MCPH1: variants seen among roughly 807,000 people sequenced by gnomAD.
MCPH1 encodes the protein microcephalin.
MCPH1 carries 104 observed loss-of-function variants against 84.5 expected under a neutral mutation model. That is an observed-to-expected ratio of 1.23 (90% CI 1.05 to 1.45). The LOEUF (loss-of-function observed/expected upper bound fraction) is 1.45. Ranked by LOEUF, MCPH1 falls within the 40% of genes most tolerant of loss-of-function variation. The probability of loss-of-function intolerance (pLI) is 0.00; values close to 1 mark genes in which losing one functional copy is unlikely to be tolerated. For synonymous variants in MCPH1, 514 were observed against 366.8 expected (o/e 1.40, Z -4.58); for missense variants, 1,498 against 1,005.7 (o/e 1.49, Z -6.62).
chr8:6,514,343 C>A lies in MCPH1; in HGVS notation c.2214+14414C>A, dbSNP rs537729661. Reference sequence around the variant, plus strand: ...TAGCTGGGATTACAGGTGTGCACCACCACACCTGGCTAATATTTGTATTTT... The same window carrying A: ...TAGCTGGGATTACAGGTGTGCACCAACACACCTGGCTAATATTTGTATTTT... On this transcript the variant is annotated intron_variant, in intron 12 of 13. Transcript: ENST00000344683. Among the ~76,000 whole-genome samples, 3 of 152,234 alleles carry A rather than the reference C, an allele frequency of 2.0e-5. No homozygotes were observed. In the East Asian group the frequency reaches 5.8e-4, roughly 29 times the overall value.
At chr8:6,634,501 T>C (rs1797399589) in intron 13 of MCPH1, among the ~76,000 whole-genome samples, 1 of 152,164 alleles carries the variant, frequency 6.6e-6, no homozygotes, top group Admixed American at 6.5e-5. Context: ...GACTGTGCAG[T>C]GCTGTGCAAA....
At position 6,480,862 on chromosome 8, in the gene MCPH1, C is replaced by G; in HGVS notation, c.2122C>G (p.Leu708Val). 2 of 1,614,114 alleles carry G rather than the reference C, an allele frequency of 1.2e-6. No homozygotes were observed. The highest frequency in any genetic ancestry group is 1.7e-6 in the Non-Finnish European group (2 of 1,180,042). The change falls in exon 11 of 14, where the codon CTC becomes GTC. Residue 708 changes from leucine (L) to valine (V), a missense_variant. By Grantham distance (32) the Leu-to-Val change is conservative (BLOSUM62 1). Coordinates refer to ENST00000344683, the MANE Select transcript of MCPH1 (RefSeq NM_024596.5). ...LLGIARGCWV[L>V]SYDWVLWSLE... is the part of the protein sequence containing the mutation. ...GGGAATTGCGCGTGGCTGCTGGGTT[C>G]TCTCTTATGATTGGGTAAGCCCTGT...
chr8:6,492,042 G>T (rs1427390315), intron 11 of MCPH1, among the ~76,000 whole-genome samples: 1 of 152,188 alleles, frequency 6.6e-6, no homozygotes, highest in Non-Finnish European at 1.5e-5. Flanking sequence ...GATCCCTGAG[G>T]AATCGCCACA....
At chr8:6,597,206 A>C (rs1253379674) in intron 12 of MCPH1, among the ~76,000 whole-genome samples, 1 of 152,200 alleles carries the variant, frequency 6.6e-6, no homozygotes, top group African/African-American at 2.4e-5. Flanking sequence ...GATGAGCCTC[A>C]GTCCTGTGTG....
intron 13 of MCPH1, among the ~76,000 whole-genome samples, chr8:6,632,088 G>C (rs1797203149): frequency 6.6e-6 from 1 of 152,134 alleles, no homozygotes; most frequent in Non-Finnish European, 1.5e-5. Flanking sequence ...GAAACCAAAG[G>C]ACAAATATCA....
chr8:6,595,580 G>A lies in MCPH1; in HGVS notation c.2215-25874G>A, dbSNP rs1030844064. The stretch of plus-strand genomic sequence containing the variant: ...TGGGCTTCTGCTCCAGAAGAGATGC[G>A]GGAGCCCTGCAGGTTTGAGTGAAGA... On this transcript the variant is annotated intron_variant, in intron 12 of 13. Coordinates refer to ENST00000344683, the MANE Select transcript of MCPH1 (RefSeq NM_024596.5). Among the ~76,000 whole-genome samples, 11 of 152,304 alleles carry A rather than the reference G, an allele frequency of 7.2e-5. No individual in the cohort carries two copies. In the East Asian group the frequency reaches 1.2e-3, roughly 16 times the overall value.
chr8:6,413,952 T>C (rs1219383394), intron 2 of MCPH1, among the ~76,000 whole-genome samples: 1 of 151,954 alleles, frequency 6.6e-6, no homozygotes, highest in East Asian at 1.9e-4. Flanking sequence ...ACAGGGTTTT[T>C]CCATGTTGGC....
intron 12 of MCPH1, among the ~76,000 whole-genome samples, chr8:6,618,208 CAG>C (rs1563197505): frequency 1.3e-5 from 2 of 152,112 alleles, no homozygotes; most frequent in Non-Finnish European, 2.9e-5. Flanking sequence ...AGGTAACACA[CAG>C]GCTCCTTGGC....
intron 12 of MCPH1, among the ~76,000 whole-genome samples, chr8:6,535,270 ACT>A: frequency 6.6e-6 from 1 of 152,132 alleles, no homozygotes; most frequent in Non-Finnish European, 1.5e-5. Flanking sequence ...TGTGTTTGCA[ACT>A]CTCCAGAGAT....
rs553043428 is a variant in MCPH1 at position 6,487,616 on chromosome 8, C to G, written c.2136+6740C>G. Among the ~76,000 whole-genome samples, 11 of 152,338 alleles carry G rather than the reference C, an allele frequency of 7.2e-5. No individual in the cohort carries two copies. In the East Asian group the frequency reaches 1.5e-3, roughly 21 times the overall value. ...AGGAAGAATCTTCAGGGACATTGTACTTGGTGTGTCACACTGACACTGAGT... is the reference window on the plus strand; with the variant it reads ...AGGAAGAATCTTCAGGGACATTGTAGTTGGTGTGTCACACTGACACTGAGT... On this transcript the variant is annotated intron_variant, in intron 11 of 13. Transcript: ENST00000344683.
chr8:6,622,000 C>A, intron 13 of MCPH1: 1 of 425,880 alleles, frequency 2.3e-6, no homozygotes, highest in South Asian at 1.8e-5. Flanking sequence ...GGCACAGACT[C>A]TCCGGGCACC....
chr8:6,480,874 TGG>T lies in MCPH1; in HGVS notation c.2136_2136+1del. On this transcript the variant is annotated frameshift_variant and splice_region_variant, in exon 11 of 14. Transcript: ENST00000344683. LOFTEE classifies it high-confidence loss of function. ...ARGCWVLSYDWVLWSLELGHW... is the reference protein window; with the variant it reads ...ARGCWVLSYDXVLWSLELGHW... The stretch of plus-strand genomic sequence containing the variant: ...TGGCTGCTGGGTTCTCTCTTATGAT[TGG>T]GTAAGCCCTGTGTGTGAACTGCGTA... The T allele has an allele frequency of 6.2e-7, 1 of 1,613,970 alleles. No individual in the cohort carries two copies. The highest frequency in any genetic ancestry group is 8.5e-7 in the Non-Finnish European group (1 of 1,180,030).
At chr8:6,529,623 A>ATTTTTTTTTTT (rs35322987) in intron 12 of MCPH1, among the ~76,000 whole-genome samples, 2 of 120,976 alleles carry the variant, frequency 1.7e-5, no homozygotes, top group Non-Finnish European at 1.7e-5. Context: ...CGCCTGGCTA[A>ATTTTTTTTTTT]TTTTTTTTTT....
intron 13 of MCPH1, among the ~76,000 whole-genome samples, chr8:6,636,934 T>C (rs1385472910): frequency 1.3e-5 from 2 of 152,224 alleles, no homozygotes; most frequent in South Asian, 4.1e-4. Context: ...GAGTCACACA[T>C]AAACGGCAGA....
intron 7 of MCPH1, among the ~76,000 whole-genome samples, chr8:6,442,969 C>T (rs1803740106): frequency 1.3e-5 from 2 of 152,212 alleles, no homozygotes; most frequent in Admixed American, 1.3e-4. Flanking sequence ...AAACAGTCTC[C>T]ATCTTTTTAT....
rs551828170 is a variant in MCPH1 at position 6,628,428 on chromosome 8, C to A, written c.2452+6737C>A. On this transcript the variant is annotated intron_variant, in intron 13 of 13. Transcript: ENST00000344683. ...GAGCTTGCAGTGAGCCGAGATCACGCCACTGCACTCCAGCCTGGGCAACAG... is the reference window on the plus strand; with the variant it reads ...GAGCTTGCAGTGAGCCGAGATCACGACACTGCACTCCAGCCTGGGCAACAG... 6.9e-5 allele frequency among the ~76,000 whole-genome samples: 10 copies of A among 144,988 alleles called. No homozygotes were observed. In the South Asian group the frequency reaches 2.2e-3, roughly 32 times the overall value.
rs778229284 is a variant in MCPH1 at position 6,480,876 on chromosome 8, G to C, written c.2136G>C (p.Trp712Cys). 3 of 1,613,718 alleles carry C rather than the reference G, an allele frequency of 1.9e-6. No individual in the cohort carries two copies. The highest frequency in any genetic ancestry group is 2.7e-5 in the African/African-American group (2 of 74,914). The change falls in exon 11 of 14, where the codon TGG becomes TGC. Residue 712 changes from tryptophan (W) to cysteine (C), a missense_variant and splice_region_variant. Trp to Cys is a radical substitution (Grantham distance 215). Coordinates refer to ENST00000344683, the MANE Select transcript of MCPH1 (RefSeq NM_024596.5). The stretch of plus-strand genomic sequence containing the variant: ...GCTGCTGGGTTCTCTCTTATGATTG[G>C]GTAAGCCCTGTGTGTGAACTGCGTA... ...ARGCWVLSYD[W>C]VLWSLELGHW...
At chr8:6,636,520 C>T (rs1331991828) in intron 13 of MCPH1, among the ~76,000 whole-genome samples, 1 of 152,062 alleles carries the variant, frequency 6.6e-6, no homozygotes, top group South Asian at 2.1e-4. Flanking sequence ...GGCTCTGTTG[C>T]CCAGGCTGGT....
At chr8:6,520,000 A>G in intron 12 of MCPH1, 1 of 1,612,816 alleles carries the variant, frequency 6.2e-7, no homozygotes, top group Non-Finnish European at 8.5e-7. Context: ...AGCTGCTTTT[A>G]AAAAATAGTA....
Sources: gnomAD v4.1 joint callset for allele counts (sites outside exome capture counted in the v4.1 genomes callset) on GRCh38, gnomAD v4.1.1 for gene constraint, MANE v1.5 for transcripts, NCBI Gene and HGNC (gene_info 2026-07-23, HGNC 2026-07-21) for gene names.